The following SHROOM2 variants were observed in gnomAD, a reference collection of about 807,000 sequenced individuals.
The protein encoded by SHROOM2 is protein Shroom2.
SHROOM2 carries 33 observed loss-of-function variants against 75.9 expected under a neutral mutation model. That is an observed-to-expected ratio of 0.43 (90% CI 0.33 to 0.58). The LOEUF is 0.58. SHROOM2 is among the 20% of genes least tolerant of loss of function. The pLI, the probability that SHROOM2 is intolerant of heterozygous loss-of-function variation, is 0.04. For missense variants in SHROOM2, 1,434 were observed against 1,461.2 expected, an observed-to-expected ratio of 0.98 and a Z score of 0.30; for synonymous variants, 655 against 663.6, an observed-to-expected ratio of 0.99 and a Z score of 0.20.
intron 1 of SHROOM2, among the ~76,000 whole-genome samples, chrX:9,841,540 G>A (rs768861245): frequency 8.9e-6 from 1 of 111,779 alleles, no homozygotes; most frequent in African/African-American, 3.2e-5. Flanking sequence ...TGTTTTTGCT[G>A]CATGCCAGAC....
rs757207110 is a variant in SHROOM2, at chrX:9,873,549, A to G, written c.166-103A>G. 1,420 of 984,553 alleles carry G rather than the reference A, an allele frequency of 1.4e-3. 2 individuals carry two copies. The highest frequency in any genetic ancestry group is 1.6e-3 in the Non-Finnish European group (1,131 of 707,537). The allele number at this position is 984,553 out of a possible 1,213,427, so 81.1% of individuals were successfully genotyped here. Reference sequence around the variant, plus strand: ...GTAATAAGGTCAGCCCCCAGGGCCCATTCCCGCCAAGTGTGAGGTATGTCT... The same window carrying G: ...GTAATAAGGTCAGCCCCCAGGGCCCGTTCCCGCCAAGTGTGAGGTATGTCT... On this transcript the variant is annotated intron_variant, in intron 1 of 9. Coordinates refer to ENST00000380913, the MANE Select transcript of SHROOM2 (RefSeq NM_001649.4).
intron 1 of SHROOM2, among the ~76,000 whole-genome samples, chrX:9,848,552 C>CTAAGTATTTAAG (rs1207777435): frequency 1.0e-5 from 1 of 100,079 alleles, no homozygotes; most frequent in Non-Finnish European, 2.0e-5. Context: ...TTCTAAGTAT[C>CTAAGTATTTAAG]TAAGTATTTA....
Position 9,920,054 on chromosome X carries a change from C to T in SHROOM2, c.2892-12121C>T, listed in dbSNP as rs181732041. Among the ~76,000 whole-genome samples, 207 of 112,217 alleles carry T rather than the reference C, an allele frequency of 1.8e-3. 1 individual carries two copies. Among genetic ancestry groups the T allele is most frequent in the African/African-American group, 5.8e-3 (181 of 31,084 alleles). ...AGACAGACATCTCAACTCACTACAA[C>T]TCATCAGACATCTCAACTTCACTAC... On this transcript the variant is annotated intron_variant, in intron 5 of 9. Transcript: ENST00000380913.
Position 9,860,123 on chromosome X carries a change from C to T in SHROOM2, c.166-13529C>T, listed in dbSNP as rs7888713. Among the ~76,000 whole-genome samples the T allele has an allele frequency of 8.9e-3, 989 of 111,564 alleles. 6 individuals are homozygous for T. The highest frequency in any genetic ancestry group is 0.029 in the African/African-American group (876 of 30,664). Reference sequence around the variant, plus strand: ...GGAAGCATTTGAATTGGTCACAACTCGGGGCAGGAGGGTGCTACTGGCTTC... The same window carrying T: ...GGAAGCATTTGAATTGGTCACAACTTGGGGCAGGAGGGTGCTACTGGCTTC... On this transcript the variant is annotated intron_variant, in intron 1 of 9. Transcript: ENST00000380913.
chrX:9,925,501 T>C (rs1025120469), intron 5 of SHROOM2, among the ~76,000 whole-genome samples: 2 of 112,477 alleles, frequency 1.8e-5, no homozygotes, highest in Non-Finnish European at 3.8e-5. Flanking sequence ...ACTGTCAGTG[T>C]TGAGCTTGAG....
intron 1 of SHROOM2, among the ~76,000 whole-genome samples, chrX:9,793,602 CTT>C (rs775839718): frequency 6.9e-4 from 76 of 110,605 alleles, no homozygotes; most frequent in Non-Finnish European, 1.4e-3. Flanking sequence ...TATTTCCACT[CTT>C]TTTCATTGCT....
At chrX:9,801,030 A>G (rs1157846822) in intron 1 of SHROOM2, among the ~76,000 whole-genome samples, 6 of 111,518 alleles carry the variant, frequency 5.4e-5, no homozygotes, top group African/African-American at 2.0e-4. Flanking sequence ...GAGACTGGGT[A>G]ATTTATAAAG....
intron 6 of SHROOM2, among the ~76,000 whole-genome samples, chrX:9,936,649 C>G (rs2084710431): frequency 9.0e-6 from 1 of 111,059 alleles, no homozygotes; most frequent in Non-Finnish European, 1.9e-5. Context: ...CACGGCCACT[C>G]CGGAGAGGAG....
intron 1 of SHROOM2, among the ~76,000 whole-genome samples, chrX:9,806,288 C>A (rs952708988): frequency 9.1e-6 from 1 of 110,361 alleles, no homozygotes; most frequent in Non-Finnish European, 1.9e-5. Context: ...ATCGCTGGGG[C>A]CCATGAACAT....
rs2084261013 is a variant in SHROOM2 at position 9,886,372 on chromosome X, G to A, written c.318-4605G>A. Reference sequence around the variant, plus strand: ...CTCAACCCTGTATCTTTTTGTCCCCGCCGATGGACACATCCACAGGGATGT... The same window carrying A: ...CTCAACCCTGTATCTTTTTGTCCCCACCGATGGACACATCCACAGGGATGT... On this transcript the variant is annotated intron_variant, in intron 2 of 9. Coordinates refer to ENST00000380913, the MANE Select transcript of SHROOM2 (RefSeq NM_001649.4). Among the ~76,000 whole-genome samples the A allele has an allele frequency of 3.6e-5, 4 of 112,276 alleles. No individual in the cohort carries two copies. The South Asian group carries it at 1.5e-3, about 41-fold the overall frequency.
intron 1 of SHROOM2, among the ~76,000 whole-genome samples, chrX:9,806,735 T>G (rs1262005809): frequency 1.9e-5 from 2 of 105,267 alleles, no homozygotes; most frequent in African/African-American, 6.9e-5. Flanking sequence ...TCCTTTTTTT[T>G]TTTTTTGAGA....
intron 1 of SHROOM2, among the ~76,000 whole-genome samples, chrX:9,788,004 T>TTTTTTTTTTTTTTTGG (rs2083625632): frequency 1.1e-5 from 1 of 94,106 alleles, no homozygotes; most frequent in African/African-American, 3.9e-5. Flanking sequence ...TTTTTTTTTT[T>TTTTTTTTTTTTTTTGG]GAGACAGGGT....
At chrX:9,808,245 T>A (rs1407120208) in intron 1 of SHROOM2, among the ~76,000 whole-genome samples, 2 of 110,558 alleles carry the variant, frequency 1.8e-5, no homozygotes, top group African/African-American at 6.6e-5. Flanking sequence ...CACTTCTTTT[T>A]TCTTGAGTTT....
At chrX:9,831,326 C>G (rs1413961597) in intron 1 of SHROOM2, among the ~76,000 whole-genome samples, 1 of 112,089 alleles carries the variant, frequency 8.9e-6, no homozygotes, top group African/African-American at 3.2e-5. Context: ...GGATGGGGAC[C>G]ACAGTCACTG....
chrX:9,928,578 C>G (rs2084617093), intron 5 of SHROOM2, among the ~76,000 whole-genome samples: 1 of 111,744 alleles, frequency 8.9e-6, no homozygotes, highest in African/African-American at 3.3e-5. Context: ...ACACACGTAC[C>G]TACACATGCA....
chrX:9,852,563 G>A (rs2084046590), intron 1 of SHROOM2, among the ~76,000 whole-genome samples: 1 of 112,590 alleles, frequency 8.9e-6, no homozygotes, highest in Admixed American at 9.4e-5. Context: ...TTTTACAGGT[G>A]TGATATTGAC....
Position 9,896,400 on chromosome X carries a change from C to T in SHROOM2, c.2492C>T (p.Thr831Ile). 1 of 1,212,333 alleles carries T rather than the reference C, an allele frequency of 8.2e-7. No homozygotes were observed. ...AGAGACAAGCCAGAGAGGCCGCGGA[C>T]AGCGGGCCGCACATGTGAGGGCACG... The part of the protein sequence containing the change: ...IPRDKPERPR[T>I]AGRTCEGTEP... Residue 831 changes from threonine to isoleucine, a missense_variant, in exon 4 of 10, where the codon ACA (threonine) becomes ATA (isoleucine). Thr to Ile is a moderately conservative substitution (Grantham distance 89). This residue lies in a region of SHROOM2 where 1,340 missense variants were observed against 1,338.3 expected (regional missense o/e 1.00). Coordinates refer to ENST00000380913, the MANE Select transcript of SHROOM2 (RefSeq NM_001649.4).
At chrX:9,853,037 G>C (rs2084048817) in intron 1 of SHROOM2, among the ~76,000 whole-genome samples, 1 of 112,089 alleles carries the variant, frequency 8.9e-6, no homozygotes, top group African/African-American at 3.2e-5. Context: ...CAGTGGGATT[G>C]TGGATGGTTT....
At chrX:9,927,421 C>G (rs1297189687) in intron 5 of SHROOM2, among the ~76,000 whole-genome samples, 1 of 98,714 alleles carries the variant, frequency 1.0e-5, no homozygotes, top group South Asian at 5.7e-4. Flanking sequence ...GTGTGTGTTC[C>G]TTAAGTCATC....
Sources: gnomAD v4.1 joint callset for allele counts (sites outside exome capture counted in the v4.1 genomes callset) on GRCh38, gnomAD v4.1.1 for gene constraint, gnomAD v4.1.1 regional missense constraint, MANE v1.5 for transcripts, NCBI Gene and HGNC (gene_info 2026-07-23, HGNC 2026-07-21) for gene names.